Variants in MLLT3 observed in about 807,000 individuals in gnomAD.
MLLT3 encodes the protein protein AF-9.
Under a neutral mutation model 53.2 loss-of-function variants are expected in MLLT3, and 4 were observed. That is an observed-to-expected ratio of 0.08 (90% CI 0.04 to 0.17). The LOEUF is 0.17. Ranked by LOEUF, MLLT3 falls within the 10% of genes least tolerant of loss-of-function variation. The pLI is 1.00. For missense variants in MLLT3, 569 were observed against 684.0 expected (o/e 0.83, Z 1.87); for synonymous variants, 283 against 230.6 (o/e 1.23, Z -2.06).
intron 4 of MLLT3, among the ~76,000 whole-genome samples, chr9:20,444,345 G>C (rs1823635857): frequency 6.6e-6 from 1 of 152,078 alleles, no homozygotes; most frequent in African/African-American, 2.4e-5. Flanking sequence ...AGTACACTTG[G>C]TCCTTTTGCT....
At chr9:20,436,238 A>G (rs1314816496) in intron 4 of MLLT3, among the ~76,000 whole-genome samples, 2 of 152,202 alleles carry the variant, frequency 1.3e-5, no homozygotes, top group East Asian at 3.8e-4. Context: ...CAACTGAGTA[A>G]AAGAAAAACT....
At chr9:20,484,171 A>G (rs1824745284) in intron 2 of MLLT3, among the ~76,000 whole-genome samples, 1 of 152,224 alleles carries the variant, frequency 6.6e-6, no homozygotes, top group Admixed American at 6.5e-5. Flanking sequence ...GGCTAAAGAT[A>G]ATGTGCACAC....
intron 4 of MLLT3, among the ~76,000 whole-genome samples, chr9:20,433,433 A>T (rs932342816): frequency 2.0e-5 from 3 of 152,182 alleles, no homozygotes; most frequent in African/African-American, 7.2e-5. Context: ...AAAATGGGAT[A>T]TTTACATCTT....
intron 5 of MLLT3, among the ~76,000 whole-genome samples, chr9:20,369,218 A>G (rs1469547837): frequency 2.0e-5 from 3 of 152,174 alleles, no homozygotes; most frequent in South Asian, 4.1e-4. Context: ...AGCTGGGAGA[A>G]GCCTATATAT....
intron 2 of MLLT3, among the ~76,000 whole-genome samples, chr9:20,582,948 T>G (rs1357712408): frequency 6.6e-6 from 1 of 152,118 alleles, no homozygotes; most frequent in Non-Finnish European, 1.5e-5. Flanking sequence ...AAACCAACCA[T>G]GCCTTCCCAA....
At chr9:20,357,171 C>T (rs1425356833) in intron 8 of MLLT3, among the ~76,000 whole-genome samples, 1 of 152,204 alleles carries the variant, frequency 6.6e-6, no homozygotes, top group Non-Finnish European at 1.5e-5. Context: ...ACATGCCTTG[C>T]AGGCTGATAG....
intron 4 of MLLT3, among the ~76,000 whole-genome samples, chr9:20,444,569 T>A (rs1823642531): frequency 6.6e-6 from 1 of 152,090 alleles, no homozygotes; most frequent in African/African-American, 2.4e-5. Context: ...ACCCTCTTTC[T>A]CTTACTTAAA....
chr9:20,446,076 T>A lies in MLLT3; in HGVS notation c.420+2047A>T, dbSNP rs1324192227. Among the ~76,000 whole-genome samples the A allele has an allele frequency of 2.6e-5, 4 of 152,320 alleles. No homozygotes were observed. In the East Asian group the frequency reaches 7.7e-4, roughly 29 times the overall value. On this transcript the variant is annotated intron_variant, in intron 4 of 10. Transcript: ENST00000380338. Reference sequence around the variant, plus strand: ...ATTTTTTTTACATTTCTATAGAAGTTTATTTTAATCTTCCCATATGAAATA... The same window carrying A: ...ATTTTTTTTACATTTCTATAGAAGTATATTTTAATCTTCCCATATGAAATA...
intron 2 of MLLT3, among the ~76,000 whole-genome samples, chr9:20,500,821 T>C (rs901655667): frequency 3.3e-5 from 5 of 152,226 alleles, no homozygotes; most frequent in Admixed American, 3.3e-4. Flanking sequence ...ATAGAGAAAC[T>C]AATAGCAATC....
At chr9:20,531,293 G>A (rs1432642834) in intron 2 of MLLT3, among the ~76,000 whole-genome samples, 3 of 151,692 alleles carry the variant, frequency 2.0e-5, no homozygotes, top group East Asian at 3.9e-4. Flanking sequence ...ATGCCACCAC[G>A]CCCAAGTAAT....
chr9:20,349,738 T>G (rs1451853155), intron 10 of MLLT3, among the ~76,000 whole-genome samples: 1 of 152,220 alleles, frequency 6.6e-6, no homozygotes, highest in African/African-American at 2.4e-5. Flanking sequence ...TTGTGCTATC[T>G]TGCAGATCTC....
intron 5 of MLLT3, among the ~76,000 whole-genome samples, chr9:20,377,342 A>G (rs888793546): frequency 3.3e-5 from 5 of 152,200 alleles, no homozygotes; most frequent in Non-Finnish European, 5.9e-5. Context: ...CAACATTTAT[A>G]ACGGCAACAT....
At chr9:20,426,586 C>A (rs1823143642) in intron 4 of MLLT3, among the ~76,000 whole-genome samples, 1 of 152,058 alleles carries the variant, frequency 6.6e-6, no homozygotes. Context: ...TTGTTACCTT[C>A]TCTCAGTAGT....
intron 2 of MLLT3, among the ~76,000 whole-genome samples, chr9:20,576,247 T>C (rs1819650866): frequency 1.3e-5 from 2 of 152,206 alleles, no homozygotes; most frequent in Admixed American, 1.3e-4. Flanking sequence ...CTTAAGAGAA[T>C]GCTGTGGCTG....
At chr9:20,443,231 T>C (rs1055454470) in intron 4 of MLLT3, among the ~76,000 whole-genome samples, 2 of 152,032 alleles carry the variant, frequency 1.3e-5, no homozygotes, top group Non-Finnish European at 2.9e-5. Flanking sequence ...GCCATTTGGT[T>C]TCCAGGCCAA....
chr9:20,600,407 A>G (rs1820391725), intron 2 of MLLT3, among the ~76,000 whole-genome samples: 2 of 152,178 alleles, frequency 1.3e-5, no homozygotes, highest in African/African-American at 4.8e-5. Context: ...TGAATAAGTA[A>G]TCAATACTTT....
intron 4 of MLLT3, among the ~76,000 whole-genome samples, chr9:20,437,665 G>A (rs185547206): frequency 6.6e-6 from 1 of 152,174 alleles, no homozygotes; most frequent in East Asian, 1.9e-4. Context: ...CATATGAAGA[G>A]CCAAATCAGA....
At chr9:20,507,824 T>C (rs1825423484) in intron 2 of MLLT3, among the ~76,000 whole-genome samples, 2 of 142,900 alleles carry the variant, frequency 1.4e-5, no homozygotes, top group Non-Finnish European at 3.0e-5. Context: ...AAAATCATAA[T>C]AGAATAAAAG....
chr9:20,344,224 A>C lies in MLLT3; in HGVS notation c.*2219T>G. 5.1e-6 allele frequency: 1 copy of C among 196,612 alleles called. No individual in the cohort carries two copies. Among genetic ancestry groups the C allele is most frequent in the Non-Finnish European group, 1.1e-5 (1 of 94,800 alleles). 12.2% of individuals were successfully genotyped at this position (196,612 alleles called of 1,614,324 possible). ...CTTGGTTAGTAACTTAAAGGAAAAA[A>C]TTTTTACATTGGCAAATCATATTTT... On this transcript the variant is annotated 3_prime_UTR_variant, in exon 11 of 11. Transcript: ENST00000380338.
Sources: gnomAD v4.1 joint callset for allele counts (sites outside exome capture counted in the v4.1 genomes callset) on GRCh38, gnomAD v4.1.1 for gene constraint, MANE v1.5 for transcripts, NCBI Gene and HGNC (gene_info 2026-07-23, HGNC 2026-07-21) for gene names.